SMAP1: variants seen among roughly 807,000 people sequenced by gnomAD.
The protein encoded by SMAP1 is stromal membrane-associated protein 1.
SMAP1 carries 24 observed loss-of-function variants against 58.5 expected under a neutral mutation model. The observed-to-expected ratio is 0.41, with a 90% CI of 0.30 to 0.58. The LOEUF (loss-of-function observed/expected upper bound fraction) is 0.58. Among genes scored for constraint, SMAP1 ranks in the 20% least tolerant of loss-of-function variants. The probability of loss-of-function intolerance (pLI) is 0.29; values close to 1 mark genes in which losing one functional copy is unlikely to be tolerated. For synonymous variants in SMAP1, 216 were observed against 196.6 expected, an observed-to-expected ratio of 1.10 and a Z score of -0.82; for missense variants, 563 against 566.3, an observed-to-expected ratio of 0.99 and a Z score of 0.06.
intron 3 of SMAP1, among the ~76,000 whole-genome samples, chr6:70,758,534 TAAATAA>T (rs1304092718): frequency 6.6e-6 from 1 of 151,184 alleles, no homozygotes; most frequent in Admixed American, 6.6e-5. Flanking sequence ...AATAAATAAA[TAAATAA>T]AAATAAAAAC....
intron 2 of SMAP1, among the ~76,000 whole-genome samples, chr6:70,749,833 T>C (rs907026874): frequency 6.6e-6 from 1 of 152,224 alleles, no homozygotes; most frequent in East Asian, 1.9e-4. Context: ...AAGCCACATT[T>C]ATGAGGCTTA....
intron 4 of SMAP1, among the ~76,000 whole-genome samples, chr6:70,783,252 GA>G: frequency 6.6e-6 from 1 of 152,316 alleles, no homozygotes; most frequent in Non-Finnish European, 1.5e-5. Context: ...CTGTCTGTTA[GA>G]AGGAAAACTA....
intron 3 of SMAP1, among the ~76,000 whole-genome samples, chr6:70,772,071 A>C (rs1243815688): frequency 1.3e-5 from 2 of 152,192 alleles, no homozygotes; most frequent in African/African-American, 4.8e-5. Context: ...CCATTTAGAC[A>C]TGTGAAATAA....
intron 4 of SMAP1, 48 bp from the exon 5 acceptor site, chr6:70,791,641 A>T: frequency 6.7e-7 from 1 of 1,493,990 alleles, no homozygotes; most frequent in Non-Finnish European, 9.2e-7. Context: ...AATTCTCATT[A>T]CCTTCTTTTT....
chr6:70,725,093 G>GTTTTTTTTTTTTTTTTTTT lies in SMAP1; in HGVS notation c.119-7262_119-7244dup, dbSNP rs745587315. ...GACTCCATATCCTAAATTAACCAGT[G>GTTTTTTTTTTTTTTTTTTT]TTTTTTTTTTTTTTTTTTTTTTTTT... On this transcript the variant is annotated intron_variant, in intron 1 of 10. Transcript: ENST00000370455. Among the ~76,000 whole-genome samples, 5 of 47,822 alleles carry GTTTTTTTTTTTTTTTTTTT rather than the reference G, an allele frequency of 1.0e-4. 1 individual carries two copies. The highest frequency in any genetic ancestry group is 1.6e-4 in the Non-Finnish European group (4 of 24,998). The allele number at this position is 47,822 out of a possible 152,430, so 31.4% of individuals were successfully genotyped here. A position where few individuals can be genotyped will look rare whatever the true frequency, so the allele number is the denominator to read the frequency against.
At chr6:70,675,253 A>G (rs1186605044) in intron 1 of SMAP1, among the ~76,000 whole-genome samples, 1 of 137,538 alleles carries the variant, frequency 7.3e-6, no homozygotes, top group Non-Finnish European at 1.5e-5. Flanking sequence ...CACACTTTAC[A>G]TATACTAACT....
intron 3 of SMAP1, among the ~76,000 whole-genome samples, chr6:70,770,325 A>G (rs1443570000): frequency 2.0e-5 from 3 of 152,066 alleles, no homozygotes; most frequent in Non-Finnish European, 2.9e-5. Flanking sequence ...GTTCTCCTGG[A>G]TAATATCCTG....
intron 4 of SMAP1, among the ~76,000 whole-genome samples, chr6:70,784,240 A>T (rs1767899786): frequency 6.6e-6 from 1 of 152,244 alleles, no homozygotes; most frequent in South Asian, 2.1e-4. Context: ...TCCTTTACAG[A>T]CAAGCAAATG....
At chr6:70,784,595 G>A (rs1423193978) in intron 4 of SMAP1, among the ~76,000 whole-genome samples, 1 of 152,118 alleles carries the variant, frequency 6.6e-6, no homozygotes, top group African/African-American at 2.4e-5. Context: ...TCAACATAAA[G>A]GGATGTAGGA....
intron 6 of SMAP1, among the ~76,000 whole-genome samples, chr6:70,802,024 T>A (rs576435941): frequency 1.2e-4 from 18 of 152,346 alleles, no homozygotes; most frequent in African/African-American, 4.1e-4. Flanking sequence ...ATATGAACTT[T>A]AAAGTAGTTT....
chr6:70,721,834 C>T (rs1045842314), intron 1 of SMAP1, among the ~76,000 whole-genome samples: 3 of 152,090 alleles, frequency 2.0e-5, no homozygotes, highest in Non-Finnish European at 2.9e-5. Context: ...CGTCAGATTT[C>T]GTGAGACTTA....
chr6:70,860,420 ATT>A lies in SMAP1; in HGVS notation c.*93_*94del. The A allele has an allele frequency of 6.8e-7, 1 of 1,478,246 alleles. No homozygotes were observed. Among genetic ancestry groups the A allele is most frequent in the East Asian group, 2.3e-5 (1 of 42,842 alleles). The allele number at this position is 1,478,246 out of a possible 1,614,324, so 91.6% of individuals were successfully genotyped here. A position where few individuals can be genotyped will look rare whatever the true frequency, so the allele number is the denominator to read the frequency against. On this transcript the variant is annotated 3_prime_UTR_variant, in exon 11 of 11. Coordinates refer to ENST00000370455, the MANE Select transcript of SMAP1 (RefSeq NM_001044305.3). ...AGTTCCCCTGTTTATTCATATGCAT[ATT>A]TTTTTTCTTTTTACCCATTTGTTCA...
intron 10 of SMAP1, 26 bp downstream of exon 10, chr6:70,858,255 C>T (rs370678523): frequency 5.4e-6 from 6 of 1,112,546 alleles, no homozygotes; most frequent in Non-Finnish European, 7.7e-6. Flanking sequence ...TTTCTAGCTT[C>T]TCCCAAATCA....
chr6:70,829,968 T>TG (rs1481463733), intron 6 of SMAP1, among the ~76,000 whole-genome samples: 1 of 152,170 alleles, frequency 6.6e-6, no homozygotes, highest in Non-Finnish European at 1.5e-5. Context: ...TTATATTCTG[T>TG]GGGGTAGCGT....
At chr6:70,855,898 T>G (rs1771398525) in intron 8 of SMAP1, among the ~76,000 whole-genome samples, 1 of 152,258 alleles carries the variant, frequency 6.6e-6, no homozygotes, top group Admixed American at 6.5e-5. Flanking sequence ...CGGCTTTTTG[T>G]CGCTTACAAT....
chr6:70,782,945 C>T (rs1477448989), intron 4 of SMAP1, among the ~76,000 whole-genome samples: 3 of 152,160 alleles, frequency 2.0e-5, no homozygotes, highest in Admixed American at 6.5e-5. Context: ...TAGTCGTTCT[C>T]CCAGCACGCA....
intron 1 of SMAP1, among the ~76,000 whole-genome samples, chr6:70,696,640 A>G (rs571382605): frequency 6.6e-6 from 1 of 152,308 alleles, no homozygotes; most frequent in Non-Finnish European, 1.5e-5. Context: ...TTTGAATTTT[A>G]AGAGTTGTTT....
chr6:70,806,166 A>T (rs572447264), intron 6 of SMAP1, among the ~76,000 whole-genome samples: 2 of 152,300 alleles, frequency 1.3e-5, no homozygotes, highest in South Asian at 4.1e-4. Context: ...GGCTCCGCTA[A>T]GTTTGAGCTT....
chr6:70,687,830 T>C (rs1405987197), intron 1 of SMAP1, among the ~76,000 whole-genome samples: 1 of 152,168 alleles, frequency 6.6e-6, no homozygotes, highest in Non-Finnish European at 1.5e-5. Context: ...TGTGTGTGCA[T>C]GTATTTTTAT....
Sources: gnomAD v4.1 joint callset for allele counts (sites outside exome capture counted in the v4.1 genomes callset) on GRCh38, gnomAD v4.1.1 for gene constraint, MANE v1.5 for transcripts, NCBI Gene and HGNC (gene_info 2026-07-23, HGNC 2026-07-21) for gene names.